Variants in IGF2BP3 observed in about 807,000 individuals in gnomAD.
IGF2BP3 encodes insulin-like growth factor 2 mRNA-binding protein 3.
Under a neutral mutation model 73.8 loss-of-function variants are expected in IGF2BP3, and 9 were observed. The ratio of observed to expected loss-of-function variants is 0.12; its 90% CI spans 0.07 to 0.21. The LOEUF is 0.21. Among genes scored for constraint, IGF2BP3 ranks in the 10% least tolerant of loss-of-function variants. IGF2BP3 has a pLI of 1.00. For missense variants in IGF2BP3, 542 were observed against 714.0 expected, an observed-to-expected ratio of 0.76 and a Z score of 2.75; for synonymous variants, 258 against 256.7, an observed-to-expected ratio of 1.01 and a Z score of -0.05.
chr7:23,434,110 A>G (rs1343483386), intron 2 of IGF2BP3, among the ~76,000 whole-genome samples: 1 of 149,426 alleles, frequency 6.7e-6, no homozygotes, highest in Non-Finnish European at 1.5e-5. Flanking sequence ...AAAAAAAAAG[A>G]AAAAGTTTTA....
At chr7:23,428,554 A>T (rs1787584738) in intron 2 of IGF2BP3, among the ~76,000 whole-genome samples, 1 of 149,460 alleles carries the variant, frequency 6.7e-6, no homozygotes, top group Admixed American at 6.7e-5. Context: ...ATATATTTTT[A>T]AAAATTAATG....
intron 3 of IGF2BP3, among the ~76,000 whole-genome samples, chr7:23,368,897 C>CA (rs201937406): frequency 0.073 from 8,878 of 122,360 alleles, 882 homozygotes; most frequent in African/African-American, 0.24. Flanking sequence ...AACTTTGTCT[C>CA]AAAAAAAAAA....
At chr7:23,398,992 T>C (rs912924219) in intron 3 of IGF2BP3, among the ~76,000 whole-genome samples, 14 of 152,256 alleles carry the variant, frequency 9.2e-5, no homozygotes, top group Admixed American at 3.9e-4. Context: ...CCCATGCCTA[T>C]GTCCTGAATG....
intron 5 of IGF2BP3, among the ~76,000 whole-genome samples, chr7:23,354,277 GCCA>G (rs1334521951): frequency 6.6e-6 from 1 of 152,200 alleles, no homozygotes; most frequent in Admixed American, 6.5e-5. Context: ...ACAGGAGTGA[GCCA>G]CCACACCTGA....
chr7:23,460,054 C>G (rs1788408038), intron 2 of IGF2BP3, among the ~76,000 whole-genome samples: 1 of 150,784 alleles, frequency 6.6e-6, no homozygotes, highest in Non-Finnish European at 1.5e-5. Context: ...CACAGCAAGA[C>G]ATCGTCTCTA....
chr7:23,347,036 ACTC>A (rs1481526046), intron 7 of IGF2BP3, among the ~76,000 whole-genome samples: 1 of 152,080 alleles, frequency 6.6e-6, no homozygotes, highest in African/African-American at 2.4e-5. Context: ...CCCCACACTA[ACTC>A]CAGTGCCTTA....
At chr7:23,341,262 A>G (rs1351827020) in intron 10 of IGF2BP3, among the ~76,000 whole-genome samples, 1 of 152,202 alleles carries the variant, frequency 6.6e-6, no homozygotes, top group Non-Finnish European at 1.5e-5. Context: ...CTTTGGTTTA[A>G]AAAAGTACAC....
intron 5 of IGF2BP3, among the ~76,000 whole-genome samples, chr7:23,353,488 G>A (rs969509399): frequency 5.9e-5 from 9 of 152,206 alleles, no homozygotes; most frequent in Non-Finnish European, 1.3e-4. Flanking sequence ...CATGCAGAAA[G>A]TAGCAAGAGG....
chr7:23,453,041 C>T (rs1021178177), intron 2 of IGF2BP3, among the ~76,000 whole-genome samples: 4 of 151,884 alleles, frequency 2.6e-5, no homozygotes, highest in Non-Finnish European at 4.4e-5. Context: ...ACCCAGCAGG[C>T]GGAGGTTGTA....
At chr7:23,467,738 C>G (rs900785566) in intron 2 of IGF2BP3, 24 of 152,250 alleles carry the variant, frequency 1.6e-4, no homozygotes, top group African/African-American at 5.8e-4. Context: ...CTAAAACAGT[C>G]TATAAACATT....
chr7:23,371,494 A>AT (rs1427795293), intron 3 of IGF2BP3, among the ~76,000 whole-genome samples: 6 of 152,186 alleles, frequency 3.9e-5, no homozygotes. Context: ...TTAAATATTG[A>AT]TATATAATTC....
At chr7:23,452,194 T>C (rs55894845) in intron 2 of IGF2BP3, among the ~76,000 whole-genome samples, 1 of 151,690 alleles carries the variant, frequency 6.6e-6, no homozygotes, top group Non-Finnish European at 1.5e-5. Flanking sequence ...TTAGTAGAGA[T>C]GGGGTTTCAC....
chr7:23,365,270 T>A (rs911184411), intron 3 of IGF2BP3, among the ~76,000 whole-genome samples: 1 of 152,220 alleles, frequency 6.6e-6, no homozygotes, highest in African/African-American at 2.4e-5. Flanking sequence ...TAGGAAGTAA[T>A]TGCCAATTTA....
intron 3 of IGF2BP3, chr7:23,365,522 C>T (rs562935390): frequency 3.3e-5 from 5 of 152,212 alleles, no homozygotes; most frequent in African/African-American, 1.2e-4. Flanking sequence ...TATTTATATA[C>T]ACACACATAC....
chr7:23,353,516 C>T (rs979848481), intron 5 of IGF2BP3, among the ~76,000 whole-genome samples: 4 of 152,204 alleles, frequency 2.6e-5, no homozygotes, highest in African/African-American at 4.8e-5. Context: ...GGCACCGTCA[C>T]CAACCCTCCA....
At chr7:23,395,535 G>A (rs1286942806) in intron 3 of IGF2BP3, among the ~76,000 whole-genome samples, 1 of 152,150 alleles carries the variant, frequency 6.6e-6, no homozygotes, top group African/African-American at 2.4e-5. Flanking sequence ...GCTGAGGTGG[G>A]AGGACAGCTT....
chr7:23,399,661 C>T (rs558147503), intron 3 of IGF2BP3, among the ~76,000 whole-genome samples: 1 of 152,054 alleles, frequency 6.6e-6, no homozygotes. Flanking sequence ...ACTAATATAC[C>T]TATTCTTATT....
chr7:23,323,787 CAT>C (rs1485799939), intron 10 of IGF2BP3, among the ~76,000 whole-genome samples: 1 of 152,136 alleles, frequency 6.6e-6, no homozygotes, highest in Non-Finnish European at 1.5e-5. Context: ...TGCTCAACTA[CAT>C]GGAAACTGAA....
intron 10 of IGF2BP3, among the ~76,000 whole-genome samples, chr7:23,326,351 G>C (rs139891765): frequency 6.6e-5 from 10 of 152,064 alleles, no homozygotes; most frequent in Admixed American, 1.3e-4. Flanking sequence ...GAAATACAAA[G>C]CAAAACCACA....
Sources: gnomAD v4.1 joint callset for allele counts (sites outside exome capture counted in the v4.1 genomes callset) on GRCh38, gnomAD v4.1.1 for gene constraint, MANE v1.5 for transcripts, NCBI Gene and HGNC (gene_info 2026-07-23, HGNC 2026-07-21) for gene names.